Variants in USP20 observed in about 807,000 individuals in gnomAD.
USP20 encodes the protein ubiquitin specific peptidase 20.
A neutral mutation model predicts 124.2 loss-of-function variants in USP20; 80 were observed. The observed-to-expected ratio is 0.64, with a 90% CI of 0.54 to 0.78. The LOEUF is 0.78. USP20 is among the 30% of genes least tolerant of loss of function. The probability of loss-of-function intolerance (pLI) is 0.00; values close to 1 mark genes in which losing one functional copy is unlikely to be tolerated. For missense variants in USP20, 1,043 were observed against 1,244.4 expected, an observed-to-expected ratio of 0.84 and a Z score of 2.44; for synonymous variants, 481 against 512.3, an observed-to-expected ratio of 0.94 and a Z score of 0.83.
chr9:129,869,024 G>A, intron 12 of USP20, 22 bp downstream of exon 12: 1 of 1,587,420 alleles, frequency 6.3e-7, no homozygotes, highest in Non-Finnish European at 8.6e-7. Flanking sequence ...ACGGGAGGGT[G>A]GGTCAGCTTG....
chr9:129,861,504 G>C, intron 7 of USP20, 39 bp from the exon 8 acceptor site: 2 of 1,601,358 alleles, frequency 1.2e-6, no homozygotes, highest in Non-Finnish European at 1.7e-6. Context: ...GGTGGGGCAG[G>C]GTGCTCACCT....
At chr9:129,854,582 A>G (rs1195186027) in intron 3 of USP20, among the ~76,000 whole-genome samples, 1 of 152,232 alleles carries the variant, frequency 6.6e-6, no homozygotes, top group Non-Finnish European at 1.5e-5. Flanking sequence ...TACACAGCAT[A>G]TAGATGTCAT....
At chr9:129,875,225 C>T (rs549831599) in intron 19 of USP20, 85 bp from the exon 20 acceptor site, 113 of 1,416,338 alleles carry the variant, frequency 8.0e-5, no homozygotes, top group Non-Finnish European at 8.8e-5. Flanking sequence ...GCCGGTAGCC[C>T]GAGGTGCACT....
chr9:129,857,067 A>C (rs1335067043), intron 4 of USP20, among the ~76,000 whole-genome samples: 3 of 151,948 alleles, frequency 2.0e-5, no homozygotes, highest in South Asian at 2.1e-4. Flanking sequence ...AAAAAAAAAA[A>C]CCCACGAGTA....
At chr9:129,878,006 AG>A (rs2034479168) in intron 22 of USP20, among the ~76,000 whole-genome samples, 1 of 152,112 alleles carries the variant, frequency 6.6e-6, no homozygotes, top group Non-Finnish European at 1.5e-5. Context: ...TGGGAGGCAG[AG>A]GTTGCAGTAA....
intron 6 of USP20, among the ~76,000 whole-genome samples, chr9:129,859,995 G>A (rs2033450928): frequency 6.6e-6 from 1 of 152,106 alleles, no homozygotes; most frequent in Non-Finnish European, 1.5e-5. Flanking sequence ...TTGTGCTACT[G>A]CACTCCAGCC....
At position 129,874,933 on chromosome 9, in the gene USP20, G is replaced by A. The variant is rs764453316; in HGVS notation, c.2026G>A (p.Glu676Lys). 4 of 1,613,948 alleles carry A rather than the reference G, an allele frequency of 2.5e-6. No individual in the cohort carries two copies. The highest frequency in any genetic ancestry group is 1.7e-5 in the Admixed American group (1 of 60,026). ...CCACGAGACGGTGGTGCAGAACGCC[G>A]AGGGCTACGTACTCTTCTACAGGTG... ...EVHETVVQNA[E>K]GYVLFYRKSS... Residue 676 changes from glutamate to lysine, a missense_variant, in exon 19 of 26, where the codon GAG becomes AAG. Coordinates refer to ENST00000372429, the MANE Select transcript of USP20 (RefSeq NM_001110303.4).
intron 1 of USP20, among the ~76,000 whole-genome samples, chr9:129,842,135 C>T (rs762079637): frequency 1.3e-5 from 2 of 152,168 alleles, no homozygotes; most frequent in Admixed American, 6.5e-5. Context: ...ACTTCATCTT[C>T]TCAGTAACCC....
intron 3 of USP20, among the ~76,000 whole-genome samples, chr9:129,852,996 G>A (rs144907569): frequency 7.3e-4 from 111 of 152,164 alleles, no homozygotes; most frequent in African/African-American, 2.6e-3. Context: ...CAGGAAGCTG[G>A]GCCTCTTCTC....
chr9:129,838,621 T>G (rs1024997493), intron 1 of USP20, among the ~76,000 whole-genome samples: 5 of 152,156 alleles, frequency 3.3e-5, no homozygotes, highest in Non-Finnish European at 7.3e-5. Flanking sequence ...TGAGATTGCA[T>G]GGGGGAAGGC....
chr9:129,842,386 T>A (rs867850691), intron 1 of USP20, among the ~76,000 whole-genome samples: 1 of 152,102 alleles, frequency 6.6e-6, no homozygotes, highest in East Asian at 1.9e-4. Flanking sequence ...GCAAGTACCC[T>A]GAGGTTGAAG....
chr9:129,879,480 GGCC>G lies in USP20; in HGVS notation c.2513-92_2513-90del. ...ATTAGAGACTTCACGCTGACCCCCAGGCCTGGGGCGGCCCCACTTGGGATGGCT... is the reference window on the plus strand; with the variant it reads ...ATTAGAGACTTCACGCTGACCCCCAGTGGGGCGGCCCCACTTGGGATGGCT... On this transcript the variant is annotated intron_variant, in intron 23 of 25. Coordinates refer to ENST00000372429, the MANE Select transcript of USP20 (RefSeq NM_001110303.4). This position sits in a 1 kb window ranked among gnomAD's most constrained non-coding sequence, Gnocchi z 4.2. The G allele has an allele frequency of 7.4e-7, 1 of 1,352,130 alleles. No homozygotes were observed. The highest frequency in any genetic ancestry group is 1.0e-6 in the Non-Finnish European group (1 of 953,048). 83.8% of individuals were successfully genotyped at this position (1,352,130 alleles called of 1,614,324 possible).
intron 15 of USP20, among the ~76,000 whole-genome samples, chr9:129,871,603 G>A (rs1020933406): frequency 2.0e-5 from 3 of 152,168 alleles, no homozygotes; most frequent in Admixed American, 1.3e-4. Context: ...CACCAGTGAC[G>A]CACAAGAGTT....
rs193265694 is a variant in USP20 at position 129,869,783 on chromosome 9, G to C, written c.1504G>C (p.Ala502Pro). The C allele has an allele frequency of 1.7e-5, 28 of 1,614,026 alleles. No homozygotes were observed. Among genetic ancestry groups the C allele is most frequent in the Non-Finnish European group, 2.4e-5 (28 of 1,180,028 alleles). ...IYQNVPAKPG[A>P]CGDSYAAQGW... ...CCAGAATGTGCCGGCCAAGCCAGGC[G>C]CCTGTGGGGACAGCTATGCCGCCCA... Residue 502 changes from alanine (A) to proline (P), a missense_variant, in exon 14 of 26, where the codon GCC (alanine) becomes CCC (proline). Coordinates refer to ENST00000372429, the MANE Select transcript of USP20 (RefSeq NM_001110303.4).
chr9:129,855,678 T>A (rs1366709461), intron 3 of USP20, among the ~76,000 whole-genome samples: 1 of 152,186 alleles, frequency 6.6e-6, no homozygotes, highest in Non-Finnish European at 1.5e-5. Flanking sequence ...CACATGATCA[T>A]GGTGGAAGCT....
At chr9:129,842,479 A>G (rs772908609) in intron 1 of USP20, among the ~76,000 whole-genome samples, 12 of 152,140 alleles carry the variant, frequency 7.9e-5, no homozygotes, top group Non-Finnish European at 1.3e-4. Flanking sequence ...AAGGAGGTAC[A>G]TGGTCAGTGT....
chr9:129,851,012 G>A (rs56335269), intron 2 of USP20, among the ~76,000 whole-genome samples: 22,672 of 152,138 alleles, frequency 0.15, 2,258 homozygotes, highest in African/African-American at 0.27. Flanking sequence ...GGTTAAAGCA[G>A]TCTTGGCTCC....
At chr9:129,841,646 T>G (rs1236802413) in intron 1 of USP20, among the ~76,000 whole-genome samples, 2 of 152,196 alleles carry the variant, frequency 1.3e-5, no homozygotes, top group Non-Finnish European at 2.9e-5. Context: ...AACCTTCACG[T>G]TGCAGGGAAG....
At chr9:129,872,316 C>T (rs1166916360) in intron 15 of USP20, among the ~76,000 whole-genome samples, 1 of 151,908 alleles carries the variant, frequency 6.6e-6, no homozygotes, top group Non-Finnish European at 1.5e-5. Flanking sequence ...CCACACCTGG[C>T]TAATTTTTGT....
Sources: allele counts gnomAD v4.1 joint callset (sites outside exome capture counted in the v4.1 genomes callset), GRCh38; gene constraint gnomAD v4.1.1; non-coding constraint Gnocchi (gnomAD v3.1); transcripts MANE v1.5; gene names NCBI Gene and HGNC (gene_info 2026-07-23, HGNC 2026-07-21).